The following NLGN1 variants were observed in gnomAD, a reference collection of about 807,000 sequenced individuals.
The protein encoded by NLGN1 is neuroligin 1, also known as neuroligin-1.
NLGN1 carries 12 observed loss-of-function variants against 65.5 expected under a neutral mutation model. The observed-to-expected ratio is 0.18, with a 90% CI of 0.12 to 0.30. The LOEUF (loss-of-function observed/expected upper bound fraction) is 0.30, where lower values mean the gene tolerates loss of function less well. Among genes scored for constraint, NLGN1 ranks in the 10% least tolerant of loss-of-function variants. The pLI, the probability that NLGN1 is intolerant of heterozygous loss-of-function variation, is 1.00. For missense variants in NLGN1, 750 were observed against 1,007.1 expected, an observed-to-expected ratio of 0.74 and a Z score of 3.46; for synonymous variants, 350 against 359.5, an observed-to-expected ratio of 0.97 and a Z score of 0.30.
chr3:173,869,366 T>C (rs1222222181), intron 4 of NLGN1, among the ~76,000 whole-genome samples: 3 of 152,176 alleles, frequency 2.0e-5, no homozygotes, highest in African/African-American at 7.2e-5. Context: ...ATCAACTTAA[T>C]GAAAATGATC....
intron 4 of NLGN1, among the ~76,000 whole-genome samples, chr3:174,153,551 T>C (rs1340968373): frequency 6.6e-6 from 1 of 152,182 alleles, no homozygotes; most frequent in Non-Finnish European, 1.5e-5. Flanking sequence ...TATATACTTA[T>C]GTTTTCATGA....
intron 4 of NLGN1, among the ~76,000 whole-genome samples, chr3:173,913,731 ATTCTTTATTACACTC>A (rs1262715272): frequency 6.6e-6 from 1 of 152,186 alleles, no homozygotes; most frequent in Non-Finnish European, 1.5e-5. Flanking sequence ...AAAGTGCTTG[ATTCTTTATTACACTC>A]TTCTTACCTC....
intron 4 of NLGN1, among the ~76,000 whole-genome samples, chr3:173,836,510 A>C (rs2150638070): frequency 6.6e-6 from 1 of 152,280 alleles, no homozygotes; most frequent in African/African-American, 2.4e-5. Context: ...AAAATGTATA[A>C]AATCCTCATA....
chr3:173,467,080 C>T (rs1560295126), intron 2 of NLGN1, among the ~76,000 whole-genome samples: 1 of 151,790 alleles, frequency 6.6e-6, no homozygotes, highest in South Asian at 2.1e-4. Flanking sequence ...TCAGAGGAAA[C>T]CAGTGTTATC....
At chr3:173,991,900 C>A (rs1023386970) in intron 4 of NLGN1, among the ~76,000 whole-genome samples, 1 of 152,060 alleles carries the variant, frequency 6.6e-6, no homozygotes, top group African/African-American at 2.4e-5. Context: ...GCAACCTCTG[C>A]CTCCTGTGTT....
intron 3 of NLGN1, among the ~76,000 whole-genome samples, chr3:173,778,159 T>A (rs531407817): frequency 6.6e-6 from 1 of 152,016 alleles, no homozygotes; most frequent in East Asian, 1.9e-4. Context: ...GTGTCTGTTT[T>A]TTTAAAAAAA....
intron 4 of NLGN1, among the ~76,000 whole-genome samples, chr3:174,129,947 C>G (rs995061425): frequency 1.3e-5 from 2 of 152,180 alleles, no homozygotes; most frequent in African/African-American, 4.8e-5. Flanking sequence ...TCATTGAATC[C>G]AAACTTCTCT....
rs538727218 is a variant in NLGN1, at chr3:173,717,512, C to G, written c.494-90168C>G. 5.3e-5 allele frequency among the ~76,000 whole-genome samples: 8 copies of G among 152,142 alleles called. No homozygotes were observed. In the East Asian group the frequency reaches 9.7e-4, roughly 18 times the overall value. Reference sequence around the variant, plus strand: ...TTAGCCATGATCCATGGCTAATAACCTATGTTACCTGTGCTTGTAGGTTAA... The same window carrying G: ...TTAGCCATGATCCATGGCTAATAACGTATGTTACCTGTGCTTGTAGGTTAA... On this transcript the variant is annotated intron_variant, in intron 3 of 6. Transcript: ENST00000457714.
In NLGN1 at chr3:174,170,551, T is replaced by C. The variant is rs193031879; in HGVS notation, c.647-104764T>C. ...GTTTTAGTCTTAATGAAAGAAAAGA[T>C]ATGGTTTTGAATGGGTATGGATGAG... On this transcript the variant is annotated intron_variant, in intron 4 of 6. Transcript: ENST00000457714. 8.8e-4 allele frequency among the ~76,000 whole-genome samples: 134 copies of C among 152,298 alleles called. No homozygotes were observed. The Middle Eastern group carries it at 0.014, about 15-fold the overall frequency.
At chr3:174,171,751 A>G (rs905458892) in intron 4 of NLGN1, among the ~76,000 whole-genome samples, 7 of 152,146 alleles carry the variant, frequency 4.6e-5, no homozygotes, top group Admixed American at 2.6e-4. Context: ...AGTTATATCA[A>G]TTTAACTCTT....
At chr3:173,399,603 A>AC (rs1339296265) in intron 1 of NLGN1, 2 of 152,164 alleles carry the variant, frequency 1.3e-5, no homozygotes, top group Non-Finnish European at 2.9e-5. Context: ...AGGCCTGATG[A>AC]CCCTATGCAT....
chr3:174,238,836 C>A (rs571358379), intron 4 of NLGN1, among the ~76,000 whole-genome samples: 21 of 152,116 alleles, frequency 1.4e-4, no homozygotes, highest in Non-Finnish European at 2.8e-4. Flanking sequence ...CACTCACTCT[C>A]ATTTGTACAG....
At chr3:173,736,724 A>G (rs1773832325) in intron 3 of NLGN1, among the ~76,000 whole-genome samples, 1 of 152,104 alleles carries the variant, frequency 6.6e-6, no homozygotes, top group South Asian at 2.1e-4. Flanking sequence ...AAACCATTAA[A>G]GTGTAAAATA....
intron 3 of NLGN1, among the ~76,000 whole-genome samples, chr3:173,621,308 T>G (rs1753948212): frequency 6.6e-6 from 1 of 152,122 alleles, no homozygotes; most frequent in African/African-American, 2.4e-5. Context: ...GAGTGATGGA[T>G]AGACTTTCAA....
chr3:173,407,281 G>T (rs1718867495), intron 1 of NLGN1, among the ~76,000 whole-genome samples: 2 of 152,090 alleles, frequency 1.3e-5, no homozygotes, highest in African/African-American at 4.8e-5. Context: ...AATTTTCAAT[G>T]GTCTTTCCAG....
At chr3:174,072,976 A>G (rs1217490516) in intron 4 of NLGN1, among the ~76,000 whole-genome samples, 4 of 152,160 alleles carry the variant, frequency 2.6e-5, no homozygotes, top group Non-Finnish European at 5.9e-5. Flanking sequence ...AATAAATTAA[A>G]TGACTGAGTA....
At chr3:173,824,935 A>G (rs896545762) in intron 4 of NLGN1, among the ~76,000 whole-genome samples, 5 of 152,052 alleles carry the variant, frequency 3.3e-5, no homozygotes, top group Admixed American at 3.3e-4. Flanking sequence ...GAACACCATG[A>G]TTTTCCTAAA....
intron 1 of NLGN1, among the ~76,000 whole-genome samples, chr3:173,407,974 A>AT (rs1315658642): frequency 6.6e-6 from 1 of 152,168 alleles, no homozygotes; most frequent in Non-Finnish European, 1.5e-5. Flanking sequence ...GGAATGTATG[A>AT]TTTTCTGAGA....
At chr3:173,685,801 A>G (rs2149801748) in intron 3 of NLGN1, 1 of 985,330 alleles carries the variant, frequency 1.0e-6, no homozygotes, top group East Asian at 1.1e-4. Flanking sequence ...GGTAAGCACA[A>G]TGAGAGGGTT....
Sources: allele counts gnomAD v4.1 joint callset (sites outside exome capture counted in the v4.1 genomes callset), GRCh38; gene constraint gnomAD v4.1.1; transcripts MANE v1.5; gene names NCBI Gene and HGNC (gene_info 2026-07-23, HGNC 2026-07-21).